SYT14: variants seen among roughly 807,000 people sequenced by gnomAD.
The protein encoded by SYT14 is synaptotagmin 14.
A neutral mutation model predicts 74.2 loss-of-function variants in SYT14; 32 were observed. The observed-to-expected ratio is 0.43, with a 90% CI of 0.33 to 0.58. SYT14 has a LOEUF of 0.58. SYT14 is among the 20% of genes least tolerant of loss of function. The probability of loss-of-function intolerance (pLI) is 0.05; values close to 1 mark genes in which losing one functional copy is unlikely to be tolerated. For synonymous variants in SYT14, 298 were observed against 337.7 expected (o/e 0.88, Z 1.29); for missense variants, 791 against 981.8 (o/e 0.81, Z 2.60).
At chr1:210,082,471 A>G (rs2081634480) in intron 5 of SYT14, among the ~76,000 whole-genome samples, 1 of 152,164 alleles carries the variant, frequency 6.6e-6, no homozygotes, top group South Asian at 2.1e-4. Context: ...GTGTTGGTAT[A>G]TCACTAGATA....
chr1:210,011,534 ACT>A (rs1161874516), intron 2 of SYT14, among the ~76,000 whole-genome samples: 1 of 151,550 alleles, frequency 6.6e-6, no homozygotes, highest in Non-Finnish European at 1.5e-5. Context: ...TTACAATATT[ACT>A]CTCTGCTTCA....
exon 7 of SYT14, chr1:210,100,364 A>T: frequency 6.2e-7 from 1 of 1,613,970 alleles, no homozygotes; most frequent in Non-Finnish European, 8.5e-7. Flanking sequence ...ATGAAAAAAG[A>T]AAAGATTGTG....
At chr1:210,155,541 T>C (rs1327485716) in intron 7 of SYT14, among the ~76,000 whole-genome samples, 180 bp from the exon 7 acceptor site, 1 of 152,220 alleles carries the variant, frequency 6.6e-6, no homozygotes, top group Non-Finnish European at 1.5e-5. Flanking sequence ...GGCTTTTACA[T>C]AATGAAAAGA....
At chr1:210,119,683 A>G (rs1034976506) in intron 7 of SYT14, among the ~76,000 whole-genome samples, 28 of 152,220 alleles carry the variant, frequency 1.8e-4, no homozygotes, top group African/African-American at 6.3e-4. Context: ...GTAAATTTCC[A>G]TAATTGAAAA....
chr1:209,996,593 CCTAACTCATT>C (rs2079802666), intron 2 of SYT14, among the ~76,000 whole-genome samples: 1 of 151,984 alleles, frequency 6.6e-6, no homozygotes, highest in South Asian at 2.1e-4. Flanking sequence ...GGGACTCCTC[CCTAACTCATT>C]CTACAAAGCC....
chr1:210,161,104 T>A, exon 10 of SYT14: 1 of 1,550,658 alleles, frequency 6.4e-7, no homozygotes, highest in Non-Finnish European at 8.9e-7. Flanking sequence ...AACATTACTG[T>A]TTCTACCAAG....
chr1:209,981,450 C>CTTTTTTTTTT (rs1183885685), intron 2 of SYT14, among the ~76,000 whole-genome samples: 12 of 99,046 alleles, frequency 1.2e-4, no homozygotes, highest in African/African-American at 1.6e-4. Flanking sequence ...TTTTTCTTTT[C>CTTTTTTTTTT]TTTTTTTTTT....
chr1:210,018,120 C>G (rs1262928815), intron 4 of SYT14, among the ~76,000 whole-genome samples: 2 of 152,146 alleles, frequency 1.3e-5, no homozygotes, highest in Non-Finnish European at 2.9e-5. Context: ...ATTTTGGAGT[C>G]TATTTTTCTA....
intron 7 of SYT14, among the ~76,000 whole-genome samples, chr1:210,149,060 A>G (rs920133192): frequency 6.6e-6 from 1 of 152,176 alleles, no homozygotes; most frequent in Non-Finnish European, 1.5e-5. Flanking sequence ...AACTTTATAA[A>G]CCAATCTCAC....
At chr1:210,145,072 C>T (rs6701631) in intron 7 of SYT14, among the ~76,000 whole-genome samples, 39,633 of 152,066 alleles carry the variant, frequency 0.26, 6,761 homozygotes, top group African/African-American at 0.48. Flanking sequence ...TCTTAGTATG[C>T]GCTAAAGGTC....
Position 210,038,281 on chromosome 1 carries a change from C to T in SYT14, c.1312+17027C>T, listed in dbSNP as rs79183740. On this transcript the variant is annotated intron_variant, in intron 5 of 9. Transcript: ENST00000637265. ...CATTTGAATGGAGTATCTTTTTCCA[C>T]TTCTTCACCTTCAGCCTACAAGTGT... Among the ~76,000 whole-genome samples the T allele has an allele frequency of 2.3e-3, 355 of 152,138 alleles. 3 individuals carry two copies. Among genetic ancestry groups the T allele is most frequent in the African/African-American group, 8.0e-3 (332 of 41,528 alleles).
At chr1:210,096,959 A>G (rs1023585079) in intron 6 of SYT14, among the ~76,000 whole-genome samples, 5 of 152,198 alleles carry the variant, frequency 3.3e-5, no homozygotes, top group South Asian at 2.1e-4. Flanking sequence ...CTCACTATCT[A>G]TAGTTATCAC....
At chr1:210,128,600 T>G (rs117096952) in intron 7 of SYT14, among the ~76,000 whole-genome samples, 2 of 152,200 alleles carry the variant, frequency 1.3e-5, no homozygotes. Flanking sequence ...AATGCAAAAT[T>G]AGTAGCTGAA....
chr1:210,094,603 A>G lies in SYT14; in HGVS notation c.1584+10A>G, dbSNP rs778062131. 6.2e-7 allele frequency: 1 copy of G among 1,613,620 alleles called. No individual in the cohort carries two copies. Among genetic ancestry groups the G allele is most frequent in the Non-Finnish European group, 8.5e-7 (1 of 1,179,804 alleles). ...AGTCCTGAGCCCTGAAGTAAGTAAA[A>G]GCACATAGAAGTTTGAAAATGAATG... On this transcript the variant is annotated intron_variant, in intron 6 of 9. Coordinates refer to ENST00000637265, the Ensembl canonical transcript of SYT14.
chr1:210,092,166 T>A (rs1047639412), intron 5 of SYT14, among the ~76,000 whole-genome samples: 2 of 152,224 alleles, frequency 1.3e-5, no homozygotes, highest in Non-Finnish European at 1.5e-5. Flanking sequence ...TATAGTTTTT[T>A]TTCTTTTTCT....
chr1:210,109,258 A>C (rs2082215287), intron 7 of SYT14, among the ~76,000 whole-genome samples: 1 of 152,002 alleles, frequency 6.6e-6, no homozygotes, highest in Non-Finnish European at 1.5e-5. Flanking sequence ...ATACCATCTC[A>C]CTCCAGTTAG....
At chr1:210,026,211 G>T (rs921306813) in intron 5 of SYT14, among the ~76,000 whole-genome samples, 12 of 151,896 alleles carry the variant, frequency 7.9e-5, no homozygotes, top group Admixed American at 7.9e-4. Flanking sequence ...TTTTTACTGT[G>T]TTGTGCTTAA....
intron 7 of SYT14, among the ~76,000 whole-genome samples, chr1:210,147,720 A>G (rs556341905): frequency 2.6e-5 from 4 of 152,346 alleles, no homozygotes; most frequent in African/African-American, 7.2e-5. Context: ...TATGTGAGAA[A>G]GAGATAAGTA....
chr1:210,060,574 A>G (rs903590264), intron 5 of SYT14, among the ~76,000 whole-genome samples: 2 of 152,120 alleles, frequency 1.3e-5, no homozygotes, highest in African/African-American at 4.8e-5. Context: ...CTCTGAGCCA[A>G]TTACTTATTT....
Sources: gnomAD v4.1 joint callset for allele counts (sites outside exome capture counted in the v4.1 genomes callset) on GRCh38, gnomAD v4.1.1 for gene constraint, MANE v1.5 for transcripts, NCBI Gene and HGNC (gene_info 2026-07-23, HGNC 2026-07-21) for gene names.